Variants in FLYWCH1 observed in about 807,000 individuals in gnomAD.
The protein encoded by FLYWCH1 is FLYWCH-type zinc finger 1.
In FLYWCH1, 75 loss-of-function variants were observed where a neutral mutation model predicts 66.4. That is an observed-to-expected ratio of 1.13 (90% confidence interval 0.94 to 1.37). FLYWCH1 has a LOEUF of 1.37. FLYWCH1 is among the 40% of genes most tolerant of loss of function. The pLI is 0.00. For missense variants in FLYWCH1, 1,334 were observed against 1,001.8 expected (o/e 1.33, Z -4.48); for synonymous variants, 595 against 429.9 (o/e 1.38, Z -4.75).
chr16:2,947,310 G>C (rs2071525047), intron 9 of FLYWCH1, among the ~76,000 whole-genome samples: 1 of 152,194 alleles, frequency 6.6e-6, no homozygotes, highest in African/African-American at 2.4e-5. Context: ...GCTGCCTGGG[G>C]CAAGGGAAGC....
At chr16:2,938,501 A>C in intron 8 of FLYWCH1, 45 bp downstream of exon 8, 3 of 1,492,666 alleles carry the variant, frequency 2.0e-6, no homozygotes, top group Non-Finnish European at 2.7e-6. Context: ...GGGCATCCTC[A>C]TCTCTTCCAG....
intron 2 of FLYWCH1, chr16:2,922,729 T>C: frequency 2.0e-6 from 1 of 502,842 alleles, no homozygotes; most frequent in South Asian, 1.5e-5. Context: ...TGTGCCTTCT[T>C]CTCTCCATCA....
intron 2 of FLYWCH1, chr16:2,922,933 G>A (rs551923275): frequency 1.1e-4 from 58 of 523,710 alleles, no homozygotes; most frequent in Middle Eastern, 3.3e-4. Flanking sequence ...TCCTGGGGGC[G>A]CTCTTCCGAG....
At chr16:2,935,497 CTT>C (rs1448757692) in intron 6 of FLYWCH1, 1 of 152,298 alleles carries the variant, frequency 6.6e-6, no homozygotes. Context: ...CTGGGCCTGC[CTT>C]TCTCTTTCTT....
intron 4 of FLYWCH1, among the ~76,000 whole-genome samples, chr16:2,931,117 A>G (rs752043298): frequency 6.6e-5 from 10 of 151,926 alleles, no homozygotes; most frequent in South Asian, 2.1e-4. Flanking sequence ...AGCCTGATCA[A>G]CTTGGTGAAA....
chr16:2,938,570 A>G (rs1032555453), intron 8 of FLYWCH1, 114 bp downstream of exon 8: 64 of 938,408 alleles, frequency 6.8e-5, no homozygotes, highest in East Asian at 2.4e-4. Flanking sequence ...GTGCACACAC[A>G]AATTATTCAT....
At chr16:2,914,995 A>G (rs1406134286) in intron 2 of FLYWCH1, among the ~76,000 whole-genome samples, 1 of 151,264 alleles carries the variant, frequency 6.6e-6, no homozygotes, top group Non-Finnish European at 1.5e-5. Context: ...ATCTACTGTA[A>G]AACAATGGGT....
intron 4 of FLYWCH1, among the ~76,000 whole-genome samples, chr16:2,932,385 C>T (rs190452194): frequency 8.1e-4 from 122 of 150,162 alleles, no homozygotes; most frequent in Admixed American, 5.0e-3. Flanking sequence ...AGAAAATTGG[C>T]TTAATTTCTG....
At chr16:2,931,349 G>T (rs1359272535) in intron 4 of FLYWCH1, among the ~76,000 whole-genome samples, 1 of 149,846 alleles carries the variant, frequency 6.7e-6, no homozygotes, top group Non-Finnish European at 1.5e-5. Context: ...TGTGGGCTGG[G>T]CACAGTGTTC....
chr16:2,914,545 TGAGACTTTG>T (rs2150874589), intron 2 of FLYWCH1, among the ~76,000 whole-genome samples: 1 of 152,260 alleles, frequency 6.6e-6, no homozygotes, highest in East Asian at 1.9e-4. Flanking sequence ...CACCATGAAC[TGAGACTTTG>T]GAGCTTTCCA....
At chr16:2,924,856 C>G (rs573744381) in intron 2 of FLYWCH1, among the ~76,000 whole-genome samples, 3 of 152,336 alleles carry the variant, frequency 2.0e-5, no homozygotes, top group African/African-American at 7.2e-5. Flanking sequence ...GAACTTTTTC[C>G]AGATCTGTTG....
chr16:2,935,477 C>T (rs1468969341), intron 6 of FLYWCH1: 1 of 152,358 alleles, frequency 6.6e-6, no homozygotes, highest in Non-Finnish European at 1.5e-5. Flanking sequence ...ACTGTGCTGA[C>T]TCCCTGCTTC....
At chr16:2,941,495 G>T (rs1196098696) in intron 9 of FLYWCH1, among the ~76,000 whole-genome samples, 3 of 151,836 alleles carry the variant, frequency 2.0e-5, no homozygotes, top group African/African-American at 7.3e-5. Context: ...TGGTAGTATC[G>T]CTTGAACCTG....
Position 2,937,269 on chromosome 16 carries a change from C to T in FLYWCH1, c.1662C>T (p.Thr554=), listed in dbSNP as rs574367819. 71 of 1,606,500 alleles carry T rather than the reference C, an allele frequency of 4.4e-5. No individual in the cohort carries two copies. The highest frequency in any genetic ancestry group is 5.8e-5 in the Non-Finnish European group (68 of 1,177,626). ...ARMGCRSRAI[T]QGRRVMVMRR... is the part of the protein sequence containing the mutation. ...TGGGCTGCCGCAGCCGCGCCATCAC[C>T]CAGGGCCGGCGGGTCATGGTCATGC... Residue 554 remains threonine (T), a synonymous_variant, in exon 7 of 10, where the codon ACC becomes ACT. Coordinates refer to ENST00000253928, the MANE Select transcript of FLYWCH1 (RefSeq NM_001308068.2).
chr16:2,944,876 A>G (rs961177542), intron 9 of FLYWCH1, among the ~76,000 whole-genome samples: 3 of 152,128 alleles, frequency 2.0e-5, no homozygotes, highest in South Asian at 2.1e-4. Flanking sequence ...AGGTCCTTCA[A>G]GACTTTTTGG....
rs558943897 is a variant in FLYWCH1 at position 2,946,515 on chromosome 16, G to A, written c.2112-2173G>A. The stretch of plus-strand genomic sequence containing the variant: ...TTTTTGTATTTTTAGTAGAGATGGG[G>A]TTTCACCATGTTGGCCAGGCTGGTC... On this transcript the variant is annotated intron_variant, in intron 9 of 9. Coordinates refer to ENST00000253928, the MANE Select transcript of FLYWCH1 (RefSeq NM_001308068.2). Among the ~76,000 whole-genome samples the A allele has an allele frequency of 4.0e-5, 6 of 151,888 alleles. No homozygotes were observed. In the South Asian group the frequency reaches 6.3e-4, roughly 16 times the overall value.
In FLYWCH1 at chr16:2,929,625, G is replaced by A; in HGVS notation, c.-61G>A. ...CTTCCTTCCTTAGGACGGAACCACTGCACTCCAGGTTCCTTGCTGGGTGCT... is the reference window on the plus strand; with the variant it reads ...CTTCCTTCCTTAGGACGGAACCACTACACTCCAGGTTCCTTGCTGGGTGCT... On this transcript the variant is annotated 5_prime_UTR_variant, in exon 3 of 10. Transcript: ENST00000253928. The A allele has an allele frequency of 6.5e-7, 1 of 1,537,600 alleles. No individual in the cohort carries two copies. Among genetic ancestry groups the A allele is most frequent in the Middle Eastern group, 2.2e-4 (1 of 4,608 alleles).
At chr16:2,932,723 A>G (rs2070811190) in intron 4 of FLYWCH1, among the ~76,000 whole-genome samples, 1 of 152,154 alleles carries the variant, frequency 6.6e-6, no homozygotes, top group East Asian at 1.9e-4. Flanking sequence ...CAAAACCTAA[A>G]AAAAATATGA....
chr16:2,942,727 T>C (rs1004682279), intron 9 of FLYWCH1, among the ~76,000 whole-genome samples: 1 of 134,650 alleles, frequency 7.4e-6, no homozygotes, highest in Non-Finnish European at 1.6e-5. Context: ...GAACTTTTTT[T>C]TTTTTTTTTT....
Sources: gnomAD v4.1 joint callset for allele counts (sites outside exome capture counted in the v4.1 genomes callset) on GRCh38, gnomAD v4.1.1 for gene constraint, MANE v1.5 for transcripts, NCBI Gene and HGNC (gene_info 2026-07-23, HGNC 2026-07-21) for gene names.